Variants in KLHL14 observed in about 807,000 individuals in gnomAD.
KLHL14 encodes the protein kelch-like protein 14.
Under a neutral mutation model 64.3 loss-of-function variants are expected in KLHL14, and 22 were observed. That is an observed-to-expected ratio of 0.34 (90% CI 0.24 to 0.49). The LOEUF is 0.49. Ranked by LOEUF, KLHL14 falls within the 20% of genes least tolerant of loss-of-function variation. The probability of loss-of-function intolerance (pLI) is 0.99; values close to 1 mark genes in which losing one functional copy is unlikely to be tolerated. For missense variants in KLHL14, 661 were observed against 789.0 expected (o/e 0.84, Z 1.94); for synonymous variants, 322 against 333.4 (o/e 0.97, Z 0.37).
At chr18:32,731,097 A>G (rs914900070) in intron 3 of KLHL14, among the ~76,000 whole-genome samples, 2 of 152,090 alleles carry the variant, frequency 1.3e-5, no homozygotes, top group Non-Finnish European at 2.9e-5. Flanking sequence ...GTAATCATAC[A>G]CTCCCCAGCA....
intron 4 of KLHL14, among the ~76,000 whole-genome samples, chr18:32,690,702 C>T (rs1438092947): frequency 1.3e-5 from 2 of 152,086 alleles, no homozygotes; most frequent in African/African-American, 2.4e-5. Flanking sequence ...GCACTCCAGC[C>T]TGGGCAACAG....
chr18:32,715,506 A>C (rs896849684), intron 3 of KLHL14, among the ~76,000 whole-genome samples: 9 of 138,516 alleles, frequency 6.5e-5, no homozygotes, highest in African/African-American at 2.5e-4. Flanking sequence ...TTACCGACGG[A>C]TGATTTTTTT....
At chr18:32,687,297 T>C in intron 4 of KLHL14, 64 bp from the exon 5 acceptor site, 1 of 1,276,930 alleles carries the variant, frequency 7.8e-7, no homozygotes, top group South Asian at 1.2e-5. Flanking sequence ...CATGTAGTAG[T>C]GTTTTATCAG....
At chr18:32,759,868 C>G (rs1354708343) in intron 2 of KLHL14, among the ~76,000 whole-genome samples, 1 of 152,194 alleles carries the variant, frequency 6.6e-6, no homozygotes, top group African/African-American at 2.4e-5. Flanking sequence ...CTCTGTAATA[C>G]ACCCATACTG....
chr18:32,734,108 T>C (rs1271960715), intron 3 of KLHL14: 2 of 701,950 alleles, frequency 2.8e-6, no homozygotes, highest in Admixed American at 2.0e-5. Context: ...AGCAGAAGAA[T>C]ACACTGAATA....
chr18:32,725,333 C>CTTGCGT (rs142331104), intron 3 of KLHL14, among the ~76,000 whole-genome samples: 1,813 of 152,206 alleles, frequency 0.012, 40 homozygotes, highest in African/African-American at 0.042. Flanking sequence ...CCTGGCCTTC[C>CTTGCGT]TTGCGTTTTT....
intron 3 of KLHL14, chr18:32,738,323 C>T (rs766276348): frequency 6.6e-6 from 1 of 152,142 alleles, no homozygotes; most frequent in Non-Finnish European, 1.5e-5. Flanking sequence ...AGGCATGATG[C>T]ATTGGCCATT....
At chr18:32,769,149 G>A (rs544553970) in intron 2 of KLHL14, among the ~76,000 whole-genome samples, 1 of 152,138 alleles carries the variant, frequency 6.6e-6, no homozygotes, top group Admixed American at 6.5e-5. Flanking sequence ...AGTGTGTGAC[G>A]GCAAGACCAT....
At chr18:32,708,706 C>T (rs1190162222) in intron 3 of KLHL14, among the ~76,000 whole-genome samples, 1 of 152,158 alleles carries the variant, frequency 6.6e-6, no homozygotes, top group Non-Finnish European at 1.5e-5. Flanking sequence ...CCAGCCAGGT[C>T]CTTGCGAGGG....
chr18:32,727,168 C>T (rs980811659), intron 3 of KLHL14, among the ~76,000 whole-genome samples: 1 of 152,192 alleles, frequency 6.6e-6, no homozygotes, highest in African/African-American at 2.4e-5. Flanking sequence ...AAAGCTGCTT[C>T]TTAAAAAGGT....
intron 3 of KLHL14, among the ~76,000 whole-genome samples, chr18:32,695,971 A>G (rs1231930347): frequency 1.3e-5 from 2 of 152,088 alleles, no homozygotes; most frequent in African/African-American, 2.4e-5. Flanking sequence ...GCTCTGCCCA[A>G]CGTGGTTTGC....
At chr18:32,702,350 T>G (rs1482229412) in intron 3 of KLHL14, among the ~76,000 whole-genome samples, 1 of 139,846 alleles carries the variant, frequency 7.2e-6, no homozygotes, top group Non-Finnish European at 1.6e-5. Context: ...TGTTTTTTTT[T>G]TTTTTAAAAA....
chr18:32,772,363 A>C lies in KLHL14; in HGVS notation c.-44+304T>G, dbSNP rs2050394683. 1.4e-4 allele frequency: 30 copies of C among 220,054 alleles called. No individual in the cohort carries two copies. In the South Asian group the frequency reaches 1.6e-3, roughly 11 times the overall value. 13.6% of individuals were successfully genotyped at this position (220,054 alleles called of 1,614,324 possible). On this transcript the variant is annotated intron_variant, in intron 1 of 8. Coordinates refer to ENST00000359358, the MANE Select transcript of KLHL14 (RefSeq NM_020805.3). Reference sequence around the variant, plus strand: ...CGCCCCCAAAGCTCTGGCTTGCCTGAAACATCTTACAGAGTCTCTCTCCCT... The same window carrying C: ...CGCCCCCAAAGCTCTGGCTTGCCTGCAACATCTTACAGAGTCTCTCTCCCT...
intron 2 of KLHL14, among the ~76,000 whole-genome samples, chr18:32,752,198 A>G (rs2050257011): frequency 1.3e-5 from 2 of 152,204 alleles, no homozygotes; most frequent in African/African-American, 4.8e-5. Context: ...AAGCCCCATA[A>G]GCCCCAAGGA....
rs139505407 is a variant in KLHL14, at chr18:32,741,711, T to C, written c.1069+217A>G. 2.6e-4 allele frequency among the ~76,000 whole-genome samples: 40 copies of C among 152,248 alleles called. 1 individual carries two copies. The highest frequency in any genetic ancestry group is 9.6e-4 in the African/African-American group (40 of 41,538). On this transcript the variant is annotated intron_variant, in intron 3 of 8. Transcript: ENST00000359358. Reference sequence around the variant, plus strand: ...CATACAGAAACGTAAACCAGTACAGTGATTTTAGGCTAGGCCTACTCGACT... The same window carrying C: ...CATACAGAAACGTAAACCAGTACAGCGATTTTAGGCTAGGCCTACTCGACT...
chr18:32,715,349 A>T (rs1172192135), intron 3 of KLHL14, among the ~76,000 whole-genome samples: 2 of 152,180 alleles, frequency 1.3e-5, no homozygotes, highest in East Asian at 3.9e-4. Flanking sequence ...TTCAGGGAAT[A>T]ATTTCACAGA....
intron 3 of KLHL14, among the ~76,000 whole-genome samples, chr18:32,700,811 G>A (rs997822661): frequency 9.2e-5 from 14 of 152,102 alleles, no homozygotes; most frequent in South Asian, 2.1e-4. Flanking sequence ...GAGAGGGAGC[G>A]GCAAGGGTAG....
chr18:32,745,580 ATTACT>A, intron 2 of KLHL14: 1 of 152,226 alleles, frequency 6.6e-6, no homozygotes, highest in Non-Finnish European at 1.5e-5. Context: ...CCTAATAGAG[ATTACT>A]TTACATTTCT....
chr18:32,701,700 G>A (rs969509611), intron 3 of KLHL14, among the ~76,000 whole-genome samples: 3 of 152,166 alleles, frequency 2.0e-5, no homozygotes, highest in African/African-American at 7.2e-5. Context: ...AGAAGGAAAA[G>A]AGGAGGATCA....
Sources: gnomAD v4.1 joint callset for allele counts (sites outside exome capture counted in the v4.1 genomes callset) on GRCh38, gnomAD v4.1.1 for gene constraint, MANE v1.5 for transcripts, NCBI Gene and HGNC (gene_info 2026-07-23, HGNC 2026-07-21) for gene names.